USH2A: variants seen among roughly 807,000 people sequenced by gnomAD.
The protein encoded by USH2A is Usher syndrome 2A (autosomal recessive, mild).
In USH2A, 443 loss-of-function variants were observed where a neutral mutation model predicts 538.9. That is an observed-to-expected ratio of 0.82 (90% CI 0.76 to 0.89). The LOEUF is 0.89. Ranked by LOEUF, USH2A falls within the 40% of genes least tolerant of loss-of-function variation. The pLI, the probability that USH2A is intolerant of heterozygous loss-of-function variation, is 0.00. For missense variants in USH2A, 6,633 were observed against 6,324.8 expected (o/e 1.05, Z -1.65); for synonymous variants, 2,413 against 2,273.5 (o/e 1.06, Z -1.75).
At chr1:215,937,219 TA>T (rs766070962) in intron 37 of USH2A, among the ~76,000 whole-genome samples, 1 of 152,156 alleles carries the variant, frequency 6.6e-6, no homozygotes, top group Non-Finnish European at 1.5e-5. Context: ...GACATATTCA[TA>T]GCTTAAAGAA....
chr1:216,172,216 T>C (rs1225891091), intron 21 of USH2A, among the ~76,000 whole-genome samples: 12 of 152,070 alleles, frequency 7.9e-5, no homozygotes, highest in South Asian at 2.1e-4. Flanking sequence ...ACTACAATAA[T>C]GAGATATTTC....
chr1:216,231,601 T>C (rs140653375), intron 14 of USH2A, among the ~76,000 whole-genome samples: 4,018 of 151,040 alleles, frequency 0.027, 185 homozygotes, highest in African/African-American at 0.091. Flanking sequence ...CAGGCTGGAG[T>C]ACAGTGGCGC....
At chr1:215,813,945 T>C (rs1295003943) in intron 48 of USH2A, 41 bp from the exon 49 acceptor site, 2 of 1,600,546 alleles carry the variant, frequency 1.2e-6, no homozygotes, top group Admixed American at 1.7e-5. Context: ...ATCAGTTTAG[T>C]TAAGAGTGTT....
chr1:215,680,357 T>C lies in USH2A; in HGVS notation c.12086A>G (p.His4029Arg), dbSNP rs1360738733. 1.9e-6 allele frequency: 3 copies of C among 1,613,714 alleles called. No individual in the cohort carries two copies. Among genetic ancestry groups the C allele is most frequent in the African/African-American group, 2.7e-5 (2 of 74,826 alleles). Residue 4029 changes from histidine to arginine, a missense_variant, in exon 62 of 72, where the codon CAC becomes CGC. Coordinates refer to ENST00000307340, the MANE Select transcript of USH2A (RefSeq NM_206933.4). The part of the protein sequence containing the change: ...FTVKGTSHQA[H>R]LYGLEPFTTY... ...TGTGAATGGTTCTAACCCGTACAGG[T>C]GGGCTTGATGGCTTGTTCCCTGTAA... is the stretch of plus-strand genomic sequence containing the variant.
At chr1:215,958,267 G>T (rs1196913221) in intron 37 of USH2A, among the ~76,000 whole-genome samples, 4 of 151,996 alleles carry the variant, frequency 2.6e-5, no homozygotes, top group African/African-American at 9.7e-5. Context: ...CATTTCTTTG[G>T]TTTTTCAAGA....
intron 4 of USH2A, among the ~76,000 whole-genome samples, chr1:216,343,525 T>TAA (rs11370265): frequency 0.063 from 8,509 of 135,314 alleles, 348 homozygotes; most frequent in Middle Eastern, 0.12. Context: ...TACTACATCT[T>TAA]AAAAAAAAAA....
chr1:216,368,258 C>T (rs377506763), intron 3 of USH2A, among the ~76,000 whole-genome samples: 1 of 151,372 alleles, frequency 6.6e-6, no homozygotes, highest in East Asian at 2.0e-4. Flanking sequence ...CATTCTCATG[C>T]TAGATTAGTG....
intron 32 of USH2A, among the ~76,000 whole-genome samples, chr1:216,029,857 A>G (rs1300431894): frequency 1.3e-5 from 2 of 151,638 alleles, no homozygotes; most frequent in South Asian, 4.1e-4. Context: ...TAACACAGAC[A>G]ATAAAAATCA....
chr1:215,823,431 T>C (rs1044387396), intron 47 of USH2A, among the ~76,000 whole-genome samples: 3 of 152,202 alleles, frequency 2.0e-5, no homozygotes, highest in African/African-American at 7.2e-5. Flanking sequence ...CTTTTAAATA[T>C]GTTATTTGCT....
chr1:215,864,261 C>T (rs191605479), intron 44 of USH2A, among the ~76,000 whole-genome samples: 8 of 152,104 alleles, frequency 5.3e-5, no homozygotes, highest in African/African-American at 1.9e-4. Context: ...GGAACTGGTA[C>T]TTTCTATAAT....
At chr1:215,840,920 T>C (rs1663660932) in intron 46 of USH2A, among the ~76,000 whole-genome samples, 1 of 152,200 alleles carries the variant, frequency 6.6e-6, no homozygotes, top group Non-Finnish European at 1.5e-5. Context: ...TCTACCTGCA[T>C]ACATGGACTC....
chr1:216,092,023 C>T (rs1047949079), intron 22 of USH2A, among the ~76,000 whole-genome samples: 5 of 152,026 alleles, frequency 3.3e-5, no homozygotes, highest in Non-Finnish European at 7.4e-5. Flanking sequence ...AAGACTTTTT[C>T]TCTAATTTTT....
intron 9 of USH2A, among the ~76,000 whole-genome samples, chr1:216,311,706 C>A (rs2037423442): frequency 1.3e-5 from 2 of 151,982 alleles, no homozygotes; most frequent in African/African-American, 4.8e-5. Flanking sequence ...ACGGGAGAAC[C>A]GCAGGTGGAG....
intron 9 of USH2A, among the ~76,000 whole-genome samples, chr1:216,313,880 A>G (rs547699754): frequency 7.9e-5 from 12 of 152,284 alleles, no homozygotes; most frequent in South Asian, 4.1e-4. Flanking sequence ...GTTGAGAAAT[A>G]TATCAGTAGT....
chr1:215,719,154 G>A lies in USH2A; in HGVS notation c.12066+8876C>T, dbSNP rs537088193. On this transcript the variant is annotated intron_variant, in intron 61 of 71. Transcript: ENST00000307340. The stretch of plus-strand genomic sequence containing the variant: ...TTGAGAAGTGTGAGAGTGTGTGTCT[G>A]TGTGTGTGTGTGACTAAAATACCTC... Among the ~76,000 whole-genome samples the A allele has an allele frequency of 7.7e-4, 117 of 151,586 alleles. 1 individual carries two copies. The highest frequency in any genetic ancestry group is 6.8e-3 in the Middle Eastern group (2 of 292).
intron 3 of USH2A, among the ~76,000 whole-genome samples, chr1:216,379,739 T>C (rs1386689615): frequency 6.6e-6 from 1 of 152,178 alleles, no homozygotes; most frequent in Non-Finnish European, 1.5e-5. Context: ...ACCTGAAAGC[T>C]AGAAAGGTTC....
intron 20 of USH2A, among the ~76,000 whole-genome samples, chr1:216,176,536 T>G (rs955339514): frequency 2.0e-5 from 3 of 152,202 alleles, no homozygotes; most frequent in African/African-American, 7.2e-5. Context: ...TTTGCTACAG[T>G]AGATAAATCT....
intron 38 of USH2A, among the ~76,000 whole-genome samples, chr1:215,932,475 C>T (rs935108416): frequency 2.0e-5 from 3 of 151,934 alleles, no homozygotes; most frequent in African/African-American, 7.2e-5. Flanking sequence ...TAAAAGGAAG[C>T]ATGAACTAAA....
At chr1:215,891,692 C>G (rs1665214676) in intron 40 of USH2A, among the ~76,000 whole-genome samples, 1 of 152,124 alleles carries the variant, frequency 6.6e-6, no homozygotes, top group South Asian at 2.1e-4. Flanking sequence ...CAAAAGTCAG[C>G]CTCTCAGCTG....
Sources: gnomAD v4.1 joint callset for allele counts (sites outside exome capture counted in the v4.1 genomes callset) on GRCh38, gnomAD v4.1.1 for gene constraint, MANE v1.5 for transcripts, NCBI Gene and HGNC (gene_info 2026-07-23, HGNC 2026-07-21) for gene names.